The following NHS variants were observed in gnomAD, a reference collection of about 807,000 sequenced individuals.
NHS encodes the protein actin remodeling regulator NHS.
A neutral mutation model predicts 72.5 loss-of-function variants in NHS; 5 were observed. The ratio of observed to expected loss-of-function variants is 0.07; its 90% confidence interval spans 0.04 to 0.14. The LOEUF is 0.14. NHS is among the 10% of genes least tolerant of loss of function. The pLI is 1.00. For missense variants in NHS, 1,072 were observed against 1,355.7 expected, an observed-to-expected ratio of 0.79 and a Z score of 3.29; for synonymous variants, 464 against 547.7, an observed-to-expected ratio of 0.85 and a Z score of 2.13.
At chrX:17,592,546 A>G (rs990078289) in intron 1 of NHS, among the ~76,000 whole-genome samples, 4 of 112,242 alleles carry the variant, frequency 3.6e-5, no homozygotes, top group African/African-American at 1.3e-4. Flanking sequence ...TCGTCTCAAC[A>G]ATCACCAAGG....
chrX:17,524,030 G>A (rs927570662), intron 1 of NHS, among the ~76,000 whole-genome samples: 5 of 111,848 alleles, frequency 4.5e-5, no homozygotes, highest in African/African-American at 1.6e-4. Context: ...CTACTCGGGG[G>A]TACAATTTTG....
At chrX:17,551,653 G>C (rs1296804586) in intron 1 of NHS, among the ~76,000 whole-genome samples, 2 of 112,047 alleles carry the variant, frequency 1.8e-5, no homozygotes, top group Non-Finnish European at 3.8e-5. Flanking sequence ...GAAGCTGCCG[G>C]TCCCATAAAT....
chrX:17,718,692 AGAAG>A (rs1463570385), intron 3 of NHS, among the ~76,000 whole-genome samples: 1 of 92,758 alleles, frequency 1.1e-5, no homozygotes, highest in African/African-American at 4.0e-5. Flanking sequence ...GCAAAAAGGA[AGAAG>A]GAAGGGAGGG....
At position 17,388,455 on chromosome X, in the gene NHS, G is replaced by A. The variant is rs569630676; in HGVS notation, c.565+12133G>A. The stretch of plus-strand genomic sequence containing the variant: ...GCATTTGAGCAAAGATTGGAAAGAG[G>A]TAAGGGTAAATTACATAGACTGCTG... On this transcript the variant is annotated intron_variant, in intron 1 of 8. Coordinates refer to ENST00000676302, the MANE Select transcript of NHS (RefSeq NM_001291867.2). 3.5e-4 allele frequency among the ~76,000 whole-genome samples: 39 copies of A among 110,844 alleles called. 1 individual carries two copies. The South Asian group carries it at 0.015, about 42-fold the overall frequency.
chrX:17,673,177 A>AACACACACACAC (rs56271300), intron 1 of NHS, among the ~76,000 whole-genome samples: 38 of 65,522 alleles, frequency 5.8e-4, no homozygotes, highest in African/African-American at 9.7e-4. Context: ...TGGAAGATGA[A>AACACACACACAC]ACACACACAC....
chrX:17,706,255 T>C (rs1021477370), intron 3 of NHS, among the ~76,000 whole-genome samples: 3 of 111,194 alleles, frequency 2.7e-5, no homozygotes, highest in Non-Finnish European at 5.7e-5. Context: ...CTGAATGCAA[T>C]GTGCAATCCT....
intron 1 of NHS, among the ~76,000 whole-genome samples, chrX:17,536,656 A>G (rs892905437): frequency 2.7e-5 from 3 of 112,513 alleles, no homozygotes; most frequent in Non-Finnish European, 5.6e-5. Context: ...AAGTTAGAGG[A>G]ACCCAATAAA....
chrX:17,700,928 A>C (rs192801309), intron 3 of NHS, among the ~76,000 whole-genome samples: 1 of 112,300 alleles, frequency 8.9e-6, no homozygotes, highest in Admixed American at 9.4e-5. Flanking sequence ...GTCATATAGC[A>C]CATAATAATG....
At chrX:17,615,263 T>C (rs191876964) in intron 1 of NHS, among the ~76,000 whole-genome samples, 1,568 of 98,508 alleles carry the variant, frequency 0.016, 38 homozygotes, top group African/African-American at 0.05. Context: ...TATATACACA[T>C]ATATATATAT....
At chrX:17,635,561 C>T (rs1344949096) in intron 1 of NHS, 3 of 1,165,943 alleles carry the variant, frequency 2.6e-6, no homozygotes, top group Non-Finnish European at 3.4e-6. Context: ...GAGCGGGAAT[C>T]CAAGCATGGC....
rs781757761 is a variant in NHS at position 17,702,033 on chromosome X, C to T, written c.852+9565C>T. On this transcript the variant is annotated intron_variant, in intron 3 of 8. Coordinates refer to ENST00000676302, the MANE Select transcript of NHS (RefSeq NM_001291867.2). ...GAAATAAATGAGATGGATTTCCCTACGGGGGATGAGTGGGAGTGGGGTAGA... is the reference window on the plus strand; with the variant it reads ...GAAATAAATGAGATGGATTTCCCTATGGGGGATGAGTGGGAGTGGGGTAGA... Among the ~76,000 whole-genome samples, 17 of 110,977 alleles carry T rather than the reference C, an allele frequency of 1.5e-4. No individual in the cohort carries two copies. In the East Asian group the frequency reaches 4.3e-3, roughly 28 times the overall value.
At chrX:17,585,108 C>G (rs1198466972) in intron 1 of NHS, among the ~76,000 whole-genome samples, 1 of 111,941 alleles carries the variant, frequency 8.9e-6, no homozygotes, top group Non-Finnish European at 1.9e-5. Context: ...TAGGCATGAG[C>G]CACCGTGCCT....
chrX:17,698,907 A>G (rs1569311899), intron 3 of NHS, among the ~76,000 whole-genome samples: 3 of 111,292 alleles, frequency 2.7e-5, no homozygotes, highest in Non-Finnish European at 5.7e-5. Context: ...TTAATTAGAA[A>G]TGCCCCTAAT....
intron 1 of NHS, among the ~76,000 whole-genome samples, chrX:17,439,457 A>C (rs2064741544): frequency 9.0e-6 from 1 of 111,313 alleles, no homozygotes; most frequent in Non-Finnish European, 1.9e-5. Flanking sequence ...TCATATTTTA[A>C]TATATATTTA....
chrX:17,566,689 GTT>G (rs769976244), intron 1 of NHS, among the ~76,000 whole-genome samples: 4 of 102,144 alleles, frequency 3.9e-5, no homozygotes, highest in Non-Finnish European at 2.1e-5. Flanking sequence ...GCATTTGTTT[GTT>G]TTTTTTTTTT....
chrX:17,689,185 A>ATCATCTTTTTTCCCTCC (rs1177215854), intron 2 of NHS, among the ~76,000 whole-genome samples: 1 of 111,771 alleles, frequency 8.9e-6, no homozygotes, highest in Non-Finnish European at 1.9e-5. Context: ...GCCTTCAATT[A>ATCATCTTTTTTCCCTCC]TCATCTTTTT....
intron 1 of NHS, among the ~76,000 whole-genome samples, chrX:17,525,047 A>C (rs2146938863): frequency 8.9e-6 from 1 of 111,906 alleles, no homozygotes; most frequent in South Asian, 3.7e-4. Flanking sequence ...TCCTCCTTGG[A>C]CTCTGACTGA....
At chrX:17,704,590 G>A (rs966600931) in intron 3 of NHS, among the ~76,000 whole-genome samples, 11 of 111,281 alleles carry the variant, frequency 9.9e-5, no homozygotes, top group African/African-American at 3.6e-4. Context: ...GAGCCGCCAC[G>A]CCCGGCCAAA....
chrX:17,567,333 G>A (rs1222982204), intron 1 of NHS, among the ~76,000 whole-genome samples: 1 of 111,535 alleles, frequency 9.0e-6, no homozygotes, highest in Non-Finnish European at 1.9e-5. Flanking sequence ...TAGGAGCAGC[G>A]ATGTCCAGCC....
Sources: gnomAD v4.1 joint callset for allele counts (sites outside exome capture counted in the v4.1 genomes callset) on GRCh38, gnomAD v4.1.1 for gene constraint, MANE v1.5 for transcripts, NCBI Gene and HGNC (gene_info 2026-07-23, HGNC 2026-07-21) for gene names.